The following UNC80 variants were observed in gnomAD, a reference collection of about 807,000 sequenced individuals.
UNC80 encodes the protein unc-80 subunit of NALCN channel complex.
Under a neutral mutation model 384.6 loss-of-function variants are expected in UNC80, and 164 were observed. The ratio of observed to expected loss-of-function variants is 0.43; its 90% CI spans 0.38 to 0.49. The LOEUF (loss-of-function observed/expected upper bound fraction) is 0.49, where lower values mean the gene tolerates loss of function less well. Among genes scored for constraint, UNC80 ranks in the 20% least tolerant of loss-of-function variants. The pLI, the probability that UNC80 is intolerant of heterozygous loss-of-function variation, is 0.00. For synonymous variants in UNC80, 1,486 were observed against 1,527.8 expected (o/e 0.97, Z 0.64); for missense variants, 3,330 against 4,143.0 (o/e 0.80, Z 5.39).
intron 22 of UNC80, among the ~76,000 whole-genome samples, chr2:209,866,490 C>CACACACACACACACACACA (rs1559226593): frequency 1.9e-5 from 2 of 107,560 alleles, no homozygotes; most frequent in African/African-American, 7.2e-5. Context: ...AAATGCACCC[C>CACACACACACACACACACA]CACACACACA....
At chr2:209,797,127 C>T (rs2078212058) in intron 7 of UNC80, among the ~76,000 whole-genome samples, 1 of 152,094 alleles carries the variant, frequency 6.6e-6, no homozygotes, top group Non-Finnish European at 1.5e-5. Flanking sequence ...TGAGATTTAT[C>T]CACATTATAG....
intron 54 of UNC80, among the ~76,000 whole-genome samples, chr2:209,971,277 T>C (rs2092876802): frequency 6.6e-6 from 1 of 152,206 alleles, no homozygotes; most frequent in Non-Finnish European, 1.5e-5. Context: ...AAGGCAGTAA[T>C]ATTCACAATC....
At chr2:209,875,861 CTTTA>C (rs1231448791) in intron 23 of UNC80, among the ~76,000 whole-genome samples, 2 of 152,142 alleles carry the variant, frequency 1.3e-5, no homozygotes, top group African/African-American at 4.8e-5. Flanking sequence ...TAAATTTTCT[CTTTA>C]TTTCTTTATT....
Position 209,929,913 on chromosome 2 carries a change from A to G in UNC80, c.5849A>G (p.Glu1950Gly). 6.5e-7 allele frequency: 1 copy of G among 1,538,612 alleles called. No individual in the cohort carries two copies. The highest frequency in any genetic ancestry group is 2.5e-5 in the East Asian group (1 of 40,426). The change falls in exon 37 of 65, where the codon GAA becomes GGA. Residue 1950 changes from glutamate (E) to glycine (G), a missense_variant. Glu to Gly is a moderately conservative substitution (Grantham distance 98, BLOSUM62 -2). Around this residue, in one of 8 missense-constraint regions of UNC80, gnomAD observed 1,049 missense variants for 1,488.6 expected, o/e 0.70. Coordinates refer to ENST00000673920, the MANE Select transcript of UNC80 (RefSeq NM_001371986.1). The part of the protein sequence containing the change: ...AQQVLWNCLI[E>G]DPSTVLRHFL... ...CAAGTCTTATGGAACTGTCTAATTG[A>G]AGATCCATCAACGGTTCTTCGACAT...
intron 22 of UNC80, among the ~76,000 whole-genome samples, chr2:209,858,528 C>T (rs1056570548): frequency 1.3e-5 from 2 of 151,746 alleles, no homozygotes; most frequent in African/African-American, 4.8e-5. Context: ...GCCAACATAG[C>T]GAAACCCTGT....
At chr2:209,901,900 G>A (rs540246461) in intron 28 of UNC80, among the ~76,000 whole-genome samples, 75 of 151,474 alleles carry the variant, frequency 5.0e-4, no homozygotes, top group African/African-American at 1.7e-3. Flanking sequence ...CTGCACTCCA[G>A]CCTGGGCAAC....
intron 35 of UNC80, among the ~76,000 whole-genome samples, chr2:209,926,001 C>T (rs1430834610): frequency 6.6e-6 from 1 of 152,228 alleles, no homozygotes; most frequent in Non-Finnish European, 1.5e-5. Flanking sequence ...AATACCTTTT[C>T]TACCTTCCTT....
chr2:209,787,953 T>C (rs2077547348), intron 5 of UNC80, among the ~76,000 whole-genome samples: 1 of 152,188 alleles, frequency 6.6e-6, no homozygotes, highest in Admixed American at 6.5e-5. Flanking sequence ...ATGTGTGTTA[T>C]TGCCCCTGAA....
rs1014394121 is a variant in UNC80, at chr2:209,922,452, A to G, written c.5662+69A>G. On this transcript the variant is annotated intron_variant, in intron 35 of 64. Transcript: ENST00000673920. The stretch of plus-strand genomic sequence containing the variant: ...TTTGAAACACTTTCCAGTTAATATC[A>G]TGATCTCACTTGATTACATTGTCTT... 5.4e-6 allele frequency: 8 copies of G among 1,471,138 alleles called. No individual in the cohort carries two copies. The Admixed American group carries it at 6.2e-5, about 11-fold the overall frequency. 91.1% of individuals were successfully genotyped at this position (1,471,138 alleles called of 1,614,324 possible).
chr2:209,849,204 CA>C (rs2082356509), intron 21 of UNC80, among the ~76,000 whole-genome samples: 1 of 152,070 alleles, frequency 6.6e-6, no homozygotes, highest in Non-Finnish European at 1.5e-5. Context: ...GTAAAATGAT[CA>C]AACACTGTAT....
At chr2:209,986,996 T>C (rs984450405) in intron 61 of UNC80, among the ~76,000 whole-genome samples, 2 of 152,204 alleles carry the variant, frequency 1.3e-5, no homozygotes, top group Non-Finnish European at 2.9e-5. Context: ...AACCAGGTAA[T>C]GACGCTTAAC....
chr2:209,833,720 TA>T (rs1214477449), intron 16 of UNC80, among the ~76,000 whole-genome samples: 1 of 152,188 alleles, frequency 6.6e-6, no homozygotes, highest in African/African-American at 2.4e-5. Flanking sequence ...GTTTAAAATG[TA>T]AATTAATGTC....
intron 23 of UNC80, among the ~76,000 whole-genome samples, chr2:209,875,811 C>G (rs1281738695): frequency 6.6e-6 from 1 of 152,206 alleles, no homozygotes; most frequent in Non-Finnish European, 1.5e-5. Flanking sequence ...AGTCTACAAA[C>G]TTTGAGACCT....
intron 61 of UNC80, among the ~76,000 whole-genome samples, chr2:209,985,688 T>G (rs2093272728): frequency 6.6e-6 from 1 of 152,220 alleles, no homozygotes. Context: ...GATTCACACC[T>G]CTCAACTAAT....
intron 50 of UNC80, 98 bp downstream of exon 50, chr2:209,959,252 A>G (rs911333528): frequency 1.3e-5 from 18 of 1,382,256 alleles, no homozygotes; most frequent in South Asian, 1.1e-4. Flanking sequence ...CATTTGATGC[A>G]TAACATACTA....
At chr2:209,865,382 C>A (rs553497133) in intron 22 of UNC80, among the ~76,000 whole-genome samples, 186 of 152,200 alleles carry the variant, frequency 1.2e-3, no homozygotes, top group African/African-American at 4.4e-3. Flanking sequence ...GCAGGCGGAT[C>A]GCGAGGTCAG....
rs998241478 is a variant in UNC80, at chr2:209,930,960, T to C, written c.5908-8T>C. On this transcript the variant is annotated splice_polypyrimidine_tract_variant and splice_region_variant and intron_variant, in intron 37 of 64. Coordinates refer to ENST00000673920, the MANE Select transcript of UNC80 (RefSeq NM_001371986.1). ...AAGGAAACATTAAAAATTCTGTTCTTCTTTCAGGATGAGTTAATGTACATG... is the reference window on the plus strand; with the variant it reads ...AAGGAAACATTAAAAATTCTGTTCTCCTTTCAGGATGAGTTAATGTACATG... The C allele has an allele frequency of 2.0e-6, 3 of 1,533,626 alleles. No homozygotes were observed.
chr2:209,959,375 T>A, intron 50 of UNC80, 114 bp from the exon 51 acceptor site: 1 of 1,154,792 alleles, frequency 8.7e-7, no homozygotes, highest in Non-Finnish European at 1.2e-6. Context: ...CTCACCCTAC[T>A]GATTCATTAA....
intron 4 of UNC80, among the ~76,000 whole-genome samples, chr2:209,784,418 T>C (rs373347373): frequency 2.0e-5 from 3 of 150,106 alleles, no homozygotes; most frequent in East Asian, 3.8e-4. Context: ...AGTATATTAT[T>C]TGACACTCAA....
Sources: allele counts gnomAD v4.1 joint callset (sites outside exome capture counted in the v4.1 genomes callset), GRCh38; gene constraint gnomAD v4.1.1; regional missense constraint gnomAD v4.1.1; transcripts MANE v1.5; gene names NCBI Gene and HGNC (gene_info 2026-07-23, HGNC 2026-07-21).